Variants in CALN1 observed in about 807,000 individuals in gnomAD.
CALN1 encodes the protein calcium-binding protein 8.
A neutral mutation model predicts 30.6 loss-of-function variants in CALN1; 17 were observed. The ratio of observed to expected loss-of-function variants is 0.56; its 90% CI spans 0.38 to 0.83. The LOEUF is 0.83. CALN1 is among the 40% of genes least tolerant of loss of function. The pLI, the probability that CALN1 is intolerant of heterozygous loss-of-function variation, is 0.00. For missense variants in CALN1, 291 were observed against 354.9 expected (o/e 0.82, Z 1.45); for synonymous variants, 156 against 131.4 (o/e 1.19, Z -1.28).
At chr7:72,044,134 T>C (rs1260596253) in intron 4 of CALN1, among the ~76,000 whole-genome samples, 18 of 151,962 alleles carry the variant, frequency 1.2e-4, no homozygotes, top group Non-Finnish European at 1.5e-5. Context: ...CACATCAGGT[T>C]GAATATGAGA....
At chr7:72,251,397 T>A (rs1795547271) in intron 3 of CALN1, among the ~76,000 whole-genome samples, 1 of 151,608 alleles carries the variant, frequency 6.6e-6, no homozygotes, top group Non-Finnish European at 1.5e-5. Flanking sequence ...TCTGAACTAC[T>A]TTTTTTTTCC....
intron 5 of CALN1, among the ~76,000 whole-genome samples, chr7:72,008,148 A>T (rs1328646138): frequency 2.6e-5 from 4 of 152,216 alleles, no homozygotes; most frequent in Admixed American, 2.6e-4. Flanking sequence ...TGTTTGCAGA[A>T]ATCAAACACA....
chr7:72,292,758 T>C (rs1585385062), intron 2 of CALN1, among the ~76,000 whole-genome samples: 2 of 143,122 alleles, frequency 1.4e-5, no homozygotes, highest in East Asian at 2.1e-4. Flanking sequence ...GAGGTGAAGG[T>C]TACAGTGAGC....
intron 2 of CALN1, among the ~76,000 whole-genome samples, chr7:72,353,389 A>G (rs942047539): frequency 6.6e-6 from 1 of 152,204 alleles, no homozygotes; most frequent in Non-Finnish European, 1.5e-5. Context: ...GACAAGGTGG[A>G]GTTTTTTTAA....
chr7:72,125,311 G>A (rs935747370), intron 3 of CALN1, among the ~76,000 whole-genome samples: 3 of 152,100 alleles, frequency 2.0e-5, no homozygotes, highest in South Asian at 2.1e-4. Flanking sequence ...CACCACACCC[G>A]GCCCACCATG....
At chr7:72,181,367 T>C (rs191735248) in intron 3 of CALN1, among the ~76,000 whole-genome samples, 58 of 151,990 alleles carry the variant, frequency 3.8e-4, no homozygotes, top group African/African-American at 1.3e-3. Flanking sequence ...ATTTTTTTAC[T>C]GCTTAAATCA....
intron 6 of CALN1, among the ~76,000 whole-genome samples, chr7:71,809,138 GCTTT>G (rs1158604570): frequency 6.6e-6 from 1 of 152,116 alleles, no homozygotes; most frequent in African/African-American, 2.4e-5. Flanking sequence ...AGAGATCATT[GCTTT>G]CTGTTTTGCA....
At position 71,806,496 on chromosome 7, in the gene CALN1, G is replaced by T. The variant is rs140376349; in HGVS notation, c.658+3840C>A. ...TAATTTTTGTATTTTTAGTAGAGAC[G>T]GGGTTTCATCATATTGGTCAGGCTG... On this transcript the variant is annotated intron_variant, in intron 6 of 6. Coordinates refer to ENST00000395275, the MANE Select transcript of CALN1 (RefSeq NM_031468.4). Among the ~76,000 whole-genome samples the T allele has an allele frequency of 4.4e-3, 666 of 152,126 alleles. 4 individuals are homozygous for T. The highest frequency in any genetic ancestry group is 0.015 in the African/African-American group (621 of 41,498).
intron 3 of CALN1, among the ~76,000 whole-genome samples, chr7:72,263,864 G>A (rs967327266): frequency 1.3e-5 from 2 of 152,168 alleles, no homozygotes; most frequent in Admixed American, 1.3e-4. Flanking sequence ...ACTGCCTCAA[G>A]GATGAAACAA....
At chr7:72,254,032 TGCCCA>T (rs1425808834) in intron 3 of CALN1, among the ~76,000 whole-genome samples, 2 of 152,132 alleles carry the variant, frequency 1.3e-5, no homozygotes, top group Non-Finnish European at 2.9e-5. Flanking sequence ...TGAGCAACTG[TGCCCA>T]GCCTCATATC....
At chr7:71,788,953 T>C (rs542822656) in intron 6 of CALN1, among the ~76,000 whole-genome samples, 31 of 151,858 alleles carry the variant, frequency 2.0e-4, no homozygotes, top group South Asian at 6.3e-4. Flanking sequence ...CCACTGCGCC[T>C]GGCCGACTAA....
At chr7:71,854,291 C>T (rs912005361) in intron 5 of CALN1, among the ~76,000 whole-genome samples, 10 of 151,542 alleles carry the variant, frequency 6.6e-5, no homozygotes, top group African/African-American at 2.4e-4. Flanking sequence ...TGAGCTAAGA[C>T]CATGCCACTG....
chr7:72,088,234 C>T (rs1258089544), intron 4 of CALN1, among the ~76,000 whole-genome samples: 1 of 152,104 alleles, frequency 6.6e-6, no homozygotes, highest in African/African-American at 2.4e-5. Flanking sequence ...GGCACCACCA[C>T]TACTAGAACA....
At chr7:72,289,666 T>C (rs1798338060) in intron 2 of CALN1, among the ~76,000 whole-genome samples, 1 of 152,092 alleles carries the variant, frequency 6.6e-6, no homozygotes, top group Non-Finnish European at 1.5e-5. Flanking sequence ...ACACACACAA[T>C]AGGCTAAATT....
intron 2 of CALN1, among the ~76,000 whole-genome samples, chr7:72,401,563 A>G (rs1030586699): frequency 1.3e-5 from 2 of 152,200 alleles, no homozygotes; most frequent in African/African-American, 4.8e-5. Flanking sequence ...AAGGGAGTTC[A>G]TGTTCAGCCC....
intron 5 of CALN1, among the ~76,000 whole-genome samples, chr7:71,853,368 T>C (rs1474850151): frequency 6.6e-6 from 1 of 152,196 alleles, no homozygotes; most frequent in Non-Finnish European, 1.5e-5. Flanking sequence ...GATGTTTTGA[T>C]ATATGTATAC....
At chr7:72,467,633 G>T in the CALN1 span, among the ~76,000 whole-genome samples, 5 of 152,120 alleles carry the variant, frequency 3.3e-5, no homozygotes, top group Non-Finnish European at 7.4e-5. Flanking sequence ...AGAGCTGGCC[G>T]TCCATAGCCC....
At chr7:72,242,625 A>C (rs573107343) in intron 3 of CALN1, among the ~76,000 whole-genome samples, 67 of 152,286 alleles carry the variant, frequency 4.4e-4, no homozygotes, top group African/African-American at 1.6e-3. Flanking sequence ...CAGTGGCTCA[A>C]ACATGTAATC....
intron 3 of CALN1, among the ~76,000 whole-genome samples, chr7:72,127,747 G>T (rs1270159439): frequency 6.6e-6 from 1 of 152,176 alleles, no homozygotes; most frequent in Non-Finnish European, 1.5e-5. Context: ...GGCAACATTT[G>T]CCGTGTGCTA....
Sources: gnomAD v4.1 joint callset for allele counts (sites outside exome capture counted in the v4.1 genomes callset) on GRCh38, gnomAD v4.1.1 for gene constraint, MANE v1.5 for transcripts, NCBI Gene and HGNC (gene_info 2026-07-23, HGNC 2026-07-21) for gene names.